SUCLG2: variants seen among roughly 807,000 people sequenced by gnomAD.
SUCLG2 encodes the protein succinate-CoA ligase GDP-forming subunit beta, also known as succinate--CoA ligase [GDP-forming] subunit beta, mitochondrial.
A neutral mutation model predicts 47.9 loss-of-function variants in SUCLG2; 42 were observed. The observed-to-expected ratio is 0.88, with a 90% CI of 0.69 to 1.14. The LOEUF (loss-of-function observed/expected upper bound fraction) is 1.14. Among genes scored for constraint, SUCLG2 ranks in the 50% most tolerant of loss-of-function variants. The probability of loss-of-function intolerance (pLI) is 0.00; values close to 1 mark genes in which losing one functional copy is unlikely to be tolerated. For synonymous variants in SUCLG2, 195 were observed against 197.3 expected (o/e 0.99, Z 0.10); for missense variants, 571 against 525.9 (o/e 1.09, Z -0.84).
At chr3:67,522,553 A>T (rs1559557015) in intron 4 of SUCLG2, among the ~76,000 whole-genome samples, 1 of 152,086 alleles carries the variant, frequency 6.6e-6, no homozygotes, top group Non-Finnish European at 1.5e-5. Flanking sequence ...TACGCACCTA[A>T]CAAGAACAGT....
intron 10 of SUCLG2, among the ~76,000 whole-genome samples, chr3:67,396,577 G>A (rs190158377): frequency 3.9e-5 from 6 of 152,054 alleles, no homozygotes; most frequent in East Asian, 1.9e-4. Context: ...ATTCACAGCC[G>A]AATTCTACCA....
At chr3:67,399,637 A>G (rs973397289) in intron 10 of SUCLG2, among the ~76,000 whole-genome samples, 1 of 152,212 alleles carries the variant, frequency 6.6e-6, no homozygotes, top group Non-Finnish European at 1.5e-5. Flanking sequence ...TATATTGTAC[A>G]TTGAAATGAG....
At chr3:67,422,366 T>C (rs1365530170) in intron 9 of SUCLG2, among the ~76,000 whole-genome samples, 1 of 148,498 alleles carries the variant, frequency 6.7e-6, no homozygotes, top group African/African-American at 2.5e-5. Context: ...CCCCAGCTAC[T>C]CTGGAGGCTG....
chr3:67,534,875 A>T (rs1706500009), intron 2 of SUCLG2, among the ~76,000 whole-genome samples: 1 of 151,662 alleles, frequency 6.6e-6, no homozygotes, highest in South Asian at 2.1e-4. Flanking sequence ...ACCACAGGAC[A>T]TTAAACAAAT....
rs112451687 is a variant in SUCLG2, at chr3:67,365,142, A to C, written c.1184-4374T>G. On this transcript the variant is annotated intron_variant, in intron 10 of 10. Transcript: ENST00000493112. ...AGAGAAAACAGACTGAAAAAGTGAA[A>C]ACAACATCAGGGACCTGTGGGATTA... Among the ~76,000 whole-genome samples, 11 of 152,324 alleles carry C rather than the reference A, an allele frequency of 7.2e-5. 1 individual carries two copies. Among genetic ancestry groups the C allele is most frequent in the African/African-American group, 2.4e-4 (10 of 41,568 alleles).
At chr3:67,408,885 C>A in intron 9 of SUCLG2, 1 of 1,475,798 alleles carries the variant, frequency 6.8e-7, no homozygotes, top group South Asian at 1.4e-5. Flanking sequence ...ATGTTCGTTC[C>A]ACTCCCTCTG....
At chr3:67,379,597 T>A (rs1041321856) in intron 10 of SUCLG2, among the ~76,000 whole-genome samples, 3 of 152,204 alleles carry the variant, frequency 2.0e-5, no homozygotes, top group Non-Finnish European at 2.9e-5. Context: ...TAATATCCTC[T>A]TTTGCACCCA....
intron 4 of SUCLG2, among the ~76,000 whole-genome samples, chr3:67,522,658 T>A (rs991630791): frequency 6.6e-5 from 10 of 150,542 alleles, no homozygotes; most frequent in Non-Finnish European, 1.3e-4. Context: ...ATTGCTTTTC[T>A]TTCTTTTTTT....
At chr3:67,523,440 GGTCAAACCATCA>G (rs1242439859) in intron 4 of SUCLG2, among the ~76,000 whole-genome samples, 2 of 152,140 alleles carry the variant, frequency 1.3e-5, no homozygotes, top group Admixed American at 1.3e-4. Context: ...CAACAATGAA[GGTCAAACCATCA>G]GTCAGTGCCT....
intron 1 of SUCLG2, among the ~76,000 whole-genome samples, chr3:67,647,725 C>G (rs551470288): frequency 1.3e-5 from 2 of 152,296 alleles, no homozygotes; most frequent in South Asian, 2.1e-4. Context: ...AGCTCCTCCC[C>G]ACTGCCACCT....
At chr3:67,571,632 C>T (rs1208777353) in intron 2 of SUCLG2, among the ~76,000 whole-genome samples, 4 of 152,152 alleles carry the variant, frequency 2.6e-5, no homozygotes, top group African/African-American at 9.7e-5. Context: ...AACAAGTTAG[C>T]AAACTATTTA....
At chr3:67,491,349 C>T (rs368098318) in intron 9 of SUCLG2, among the ~76,000 whole-genome samples, 2 of 140,742 alleles carry the variant, frequency 1.4e-5, no homozygotes, top group African/African-American at 5.4e-5. Context: ...TGTTTTATTT[C>T]TTTTTCTTTT....
At chr3:67,435,227 G>A (rs6791455) in intron 9 of SUCLG2, among the ~76,000 whole-genome samples, 66,270 of 151,910 alleles carry the variant, frequency 0.44, 15,686 homozygotes, top group Non-Finnish European at 0.54. Context: ...ATTGATTTAG[G>A]CCCAAACAAT....
At chr3:67,430,323 A>G (rs1293308519) in intron 9 of SUCLG2, among the ~76,000 whole-genome samples, 1 of 152,200 alleles carries the variant, frequency 6.6e-6, no homozygotes, top group Non-Finnish European at 1.5e-5. Context: ...ACTACATGGA[A>G]ACTGAACAAC....
chr3:67,373,894 C>A (rs892615346), downstream of SUCLG2, among the ~76,000 whole-genome samples: 1 of 152,020 alleles, frequency 6.6e-6, no homozygotes, highest in Non-Finnish European at 1.5e-5. Flanking sequence ...GCTAAGGATG[C>A]AAAAAGAACA....
intron 1 of SUCLG2, among the ~76,000 whole-genome samples, chr3:67,636,811 T>A (rs1416797604): frequency 6.6e-6 from 1 of 152,040 alleles, no homozygotes; most frequent in Non-Finnish European, 1.5e-5. Context: ...TATCTTTTTT[T>A]TTTTTTTAGA....
At chr3:67,467,286 A>G (rs554618905) in intron 9 of SUCLG2, among the ~76,000 whole-genome samples, 1 of 152,346 alleles carries the variant, frequency 6.6e-6, no homozygotes, top group South Asian at 2.1e-4. Context: ...CAGCAGCTCT[A>G]GTATATTTTT....
intron 9 of SUCLG2, among the ~76,000 whole-genome samples, chr3:67,450,082 C>G (rs1704020736): frequency 6.6e-6 from 1 of 152,054 alleles, no homozygotes; most frequent in Admixed American, 6.5e-5. Flanking sequence ...TGCTCTGTTG[C>G]CCAGGCTGAA....
At position 67,375,644 on chromosome 3, in the gene SUCLG2, C is replaced by G. The variant is rs913064811; in HGVS notation, c.*100G>C. ...CAGTGATTCTTGCCTTCCCCCTCCC[C>G]TTTTCTTCCCCAATGAGATAACCAT... is the stretch of plus-strand genomic sequence containing the variant. On this transcript the variant is annotated 3_prime_UTR_variant, in exon 11 of 11. Transcript: ENST00000307227. 1.4e-6 allele frequency: 2 copies of G among 1,457,226 alleles called. No homozygotes were observed. The highest frequency in any genetic ancestry group is 1.5e-5 in the South Asian group (1 of 66,166). The allele number at this position is 1,457,226 out of a possible 1,614,324, so 90.3% of individuals were successfully genotyped here. A position where few individuals can be genotyped will look rare whatever the true frequency, so the allele number is the denominator to read the frequency against.
Sources: allele counts gnomAD v4.1 joint callset (sites outside exome capture counted in the v4.1 genomes callset), GRCh38; gene constraint gnomAD v4.1.1; transcripts MANE v1.5; gene names NCBI Gene and HGNC (gene_info 2026-07-23, HGNC 2026-07-21).